GRID1: variants seen among roughly 807,000 people sequenced by gnomAD.
GRID1 encodes glutamate ionotropic receptor delta type subunit 1, also known as glutamate receptor ionotropic, delta-1.
Under a neutral mutation model 98.0 loss-of-function variants are expected in GRID1, and 28 were observed. The ratio of observed to expected loss-of-function variants is 0.29; its 90% CI spans 0.21 to 0.39. The LOEUF is 0.39. GRID1 is among the 10% of genes least tolerant of loss of function. GRID1 has a pLI of 1.00. For synonymous variants in GRID1, 553 were observed against 538.5 expected (o/e 1.03, Z -0.37); for missense variants, 1,111 against 1,340.5 (o/e 0.83, Z 2.67).
chr10:85,933,010 T>A (rs1033277942), intron 4 of GRID1, among the ~76,000 whole-genome samples: 1 of 152,216 alleles, frequency 6.6e-6, no homozygotes, highest in Non-Finnish European at 1.5e-5. Context: ...TAATTCCCAA[T>A]GCAACAGAGT....
At chr10:85,734,618 A>G (rs771582812) in intron 8 of GRID1, among the ~76,000 whole-genome samples, 2 of 152,186 alleles carry the variant, frequency 1.3e-5, no homozygotes, top group Non-Finnish European at 2.9e-5. Flanking sequence ...TCAAAGTTCA[A>G]CTATGTTCCA....
intron 3 of GRID1, among the ~76,000 whole-genome samples, chr10:86,197,557 C>T (rs1004856705): frequency 3.3e-5 from 5 of 152,162 alleles, no homozygotes; most frequent in South Asian, 2.1e-4. Flanking sequence ...AACAGGAGCC[C>T]GCATCGGTCC....
intron 5 of GRID1, among the ~76,000 whole-genome samples, chr10:85,881,412 G>A (rs1841012147): frequency 1.3e-5 from 2 of 152,140 alleles, no homozygotes; most frequent in South Asian, 4.1e-4. Context: ...CATGGTACTG[G>A]TACCAAAACA....
chr10:86,010,221 T>C (rs1699391142), intron 4 of GRID1, among the ~76,000 whole-genome samples: 1 of 152,208 alleles, frequency 6.6e-6, no homozygotes, highest in Non-Finnish European at 1.5e-5. Context: ...GAGCAAACAT[T>C]ACAATGGCTA....
intron 8 of GRID1, among the ~76,000 whole-genome samples, chr10:85,844,956 A>G (rs1842993095): frequency 2.0e-5 from 3 of 152,104 alleles, no homozygotes; most frequent in African/African-American, 7.2e-5. Flanking sequence ...AATCTGAAAA[A>G]AGAACATCAA....
At chr10:86,163,511 C>T (rs1242142036) in intron 3 of GRID1, among the ~76,000 whole-genome samples, 2 of 151,902 alleles carry the variant, frequency 1.3e-5, no homozygotes, top group East Asian at 1.9e-4. Context: ...ATGCTGCACC[C>T]GTTAATTTGA....
At position 85,906,380 on chromosome 10, in the gene GRID1, G is replaced by A. The variant is rs528495964; in HGVS notation, c.780+9806C>T. On this transcript the variant is annotated intron_variant, in intron 5 of 15. Transcript: ENST00000327946. ...AATAATCATAAAGGATACAGAAGGC[G>A]CAATCAACACTCAACTAAAATGACC... 4.6e-5 allele frequency among the ~76,000 whole-genome samples: 7 copies of A among 152,168 alleles called. 1 individual carries two copies. The highest frequency in any genetic ancestry group is 2.1e-4 in the South Asian group (1 of 4,826).
At chr10:85,849,323 C>A (rs1843036282) in intron 8 of GRID1, among the ~76,000 whole-genome samples, 1 of 152,202 alleles carries the variant, frequency 6.6e-6, no homozygotes, top group Non-Finnish European at 1.5e-5. Flanking sequence ...AGACACAAGG[C>A]TCTCCCAGGG....
intron 2 of GRID1, among the ~76,000 whole-genome samples, chr10:86,319,180 T>C (rs1847936926): frequency 6.6e-6 from 1 of 152,088 alleles, no homozygotes; most frequent in African/African-American, 2.4e-5. Flanking sequence ...AGGGAGTAGA[T>C]GAGGCCAAAA....
At chr10:85,971,301 A>G (rs1023587312) in intron 4 of GRID1, among the ~76,000 whole-genome samples, 14 of 152,188 alleles carry the variant, frequency 9.2e-5, no homozygotes, top group African/African-American at 3.4e-4. Flanking sequence ...TTAAAATAAG[A>G]CAAAAGGCAG....
intron 8 of GRID1, among the ~76,000 whole-genome samples, chr10:85,738,957 A>T (rs1357081850): frequency 6.6e-6 from 1 of 152,156 alleles, no homozygotes; most frequent in Non-Finnish European, 1.5e-5. Flanking sequence ...GTCAGAGCTG[A>T]TCAAACACCA....
At chr10:85,780,589 C>T (rs144124381) in intron 8 of GRID1, among the ~76,000 whole-genome samples, 62 of 152,232 alleles carry the variant, frequency 4.1e-4, no homozygotes, top group Admixed American at 2.5e-3. Context: ...AGTACTGAGC[C>T]GATGTTTTCG....
chr10:85,630,414 C>T (rs1487490567), intron 13 of GRID1, among the ~76,000 whole-genome samples: 4 of 152,186 alleles, frequency 2.6e-5, no homozygotes, highest in African/African-American at 9.7e-5. Context: ...TTCTCATGGT[C>T]ATGACAATCA....
intron 15 of GRID1, among the ~76,000 whole-genome samples, chr10:85,612,855 A>C (rs143030457): frequency 6.6e-6 from 1 of 152,028 alleles, no homozygotes; most frequent in Non-Finnish European, 1.5e-5. Flanking sequence ...CAGAACCCGG[A>C]GTGTGGACAG....
intron 3 of GRID1, among the ~76,000 whole-genome samples, chr10:86,155,231 TG>T (rs1275959156): frequency 2.6e-5 from 4 of 152,254 alleles, no homozygotes; most frequent in South Asian, 2.1e-4. Flanking sequence ...CTGGTGGCCC[TG>T]GGTCTGTGCA....
At chr10:86,268,531 C>T (rs28629934) in intron 2 of GRID1, among the ~76,000 whole-genome samples, 10,827 of 152,300 alleles carry the variant, frequency 0.071, 1,071 homozygotes, top group African/African-American at 0.23. Flanking sequence ...GTGAGAGAAC[C>T]ATGCTTCCTG....
At chr10:85,909,694 C>T (rs978046691) in intron 5 of GRID1, among the ~76,000 whole-genome samples, 5 of 152,048 alleles carry the variant, frequency 3.3e-5, no homozygotes, top group Admixed American at 2.6e-4. Context: ...ACATAAAACG[C>T]AAAGATACAA....
chr10:85,841,740 GATC>G (rs1223827527), intron 8 of GRID1, among the ~76,000 whole-genome samples: 1 of 152,012 alleles, frequency 6.6e-6, no homozygotes, highest in Non-Finnish European at 1.5e-5. Flanking sequence ...CAACATCACT[GATC>G]ATTAAAGAAA....
At position 85,995,944 on chromosome 10, in the gene GRID1, G is replaced by A. The variant is rs1842734459; in HGVS notation, c.727-79705C>T. On this transcript the variant is annotated intron_variant, in intron 4 of 15. Coordinates refer to ENST00000327946, the MANE Select transcript of GRID1 (RefSeq NM_017551.3). ...CAGTATATAAAAGCTGTGAATAAAA[G>A]ATAAAAGACAGATTACCATTAGGTT... Among the ~76,000 whole-genome samples, 3 of 152,222 alleles carry A rather than the reference G, an allele frequency of 2.0e-5. No individual in the cohort carries two copies. In the South Asian group the frequency reaches 6.2e-4, roughly 32 times the overall value.
Sources: allele counts gnomAD v4.1 joint callset (sites outside exome capture counted in the v4.1 genomes callset), GRCh38; gene constraint gnomAD v4.1.1; transcripts MANE v1.5; gene names NCBI Gene and HGNC (gene_info 2026-07-23, HGNC 2026-07-21).